The following PSTPIP2 variants were observed in gnomAD, a reference collection of about 807,000 sequenced individuals.
The protein encoded by PSTPIP2 is proline-serine-threonine phosphatase interacting protein 2.
Under a neutral mutation model 63.3 loss-of-function variants are expected in PSTPIP2, and 33 were observed. The ratio of observed to expected loss-of-function variants is 0.52; its 90% CI spans 0.40 to 0.70. PSTPIP2 has a LOEUF of 0.70. Ranked by LOEUF, PSTPIP2 falls within the 30% of genes least tolerant of loss-of-function variation. The pLI, the probability that PSTPIP2 is intolerant of heterozygous loss-of-function variation, is 0.00. For synonymous variants in PSTPIP2, 125 were observed against 132.7 expected (o/e 0.94, Z 0.40); for missense variants, 312 against 400.7 (o/e 0.78, Z 1.89).
At chr18:46,033,941 T>C (rs1474246146) in intron 2 of PSTPIP2, among the ~76,000 whole-genome samples, 1 of 152,212 alleles carries the variant, frequency 6.6e-6, no homozygotes, top group Non-Finnish European at 1.5e-5. Context: ...AATTCTGTTA[T>C]TTAAAGCCAT....
At chr18:46,056,963 G>A (rs1007597661) in intron 1 of PSTPIP2, among the ~76,000 whole-genome samples, 4 of 152,038 alleles carry the variant, frequency 2.6e-5, no homozygotes, top group African/African-American at 7.2e-5. Context: ...AATTAGCTGG[G>A]TGCAGTGGTG....
At chr18:46,047,674 G>A (rs1419245179) in intron 1 of PSTPIP2, among the ~76,000 whole-genome samples, 1 of 151,512 alleles carries the variant, frequency 6.6e-6, no homozygotes, top group Non-Finnish European at 1.5e-5. Context: ...TGGGCAACAA[G>A]AGCGAAATTC....
At chr18:45,994,359 T>C (rs1317816844) in intron 9 of PSTPIP2, among the ~76,000 whole-genome samples, 1 of 152,206 alleles carries the variant, frequency 6.6e-6, no homozygotes, top group African/African-American at 2.4e-5. Context: ...CATGAATGAA[T>C]TTTACATACC....
chr18:46,016,810 A>G (rs2051856587), intron 3 of PSTPIP2, among the ~76,000 whole-genome samples: 1 of 152,226 alleles, frequency 6.6e-6, no homozygotes, highest in Admixed American at 6.5e-5. Flanking sequence ...ACTCAAGGTT[A>G]GTATTATACT....
chr18:45,991,113 G>A (rs915065795), intron 12 of PSTPIP2, among the ~76,000 whole-genome samples: 4 of 152,142 alleles, frequency 2.6e-5, no homozygotes, highest in Admixed American at 1.3e-4. Flanking sequence ...CCTCATTGTG[G>A]GGATTAAATC....
intron 9 of PSTPIP2, among the ~76,000 whole-genome samples, chr18:45,997,002 C>A (rs1399585223): frequency 2.6e-5 from 4 of 152,284 alleles, no homozygotes; most frequent in Admixed American, 1.3e-4. Flanking sequence ...TGAGGCCGGG[C>A]TCTCCAAAGA....
chr18:46,001,642 T>C (rs895733740), intron 6 of PSTPIP2, among the ~76,000 whole-genome samples: 13 of 152,216 alleles, frequency 8.5e-5, no homozygotes, highest in African/African-American at 3.1e-4. Context: ...CTTATAAAAC[T>C]GAAATTCTAT....
At chr18:46,036,163 G>T (rs1907971365) in intron 2 of PSTPIP2, among the ~76,000 whole-genome samples, 1 of 148,636 alleles carries the variant, frequency 6.7e-6, no homozygotes, top group South Asian at 2.1e-4. Flanking sequence ...AATATTAATT[G>T]TTAATGTGTT....
At chr18:46,011,353 T>C (rs2051794779) in intron 4 of PSTPIP2, 66 bp from the exon 5 acceptor site, 3 of 1,260,794 alleles carry the variant, frequency 2.4e-6, no homozygotes, top group Admixed American at 2.0e-5. Context: ...TATAAAATCA[T>C]ACAAAATAAA....
In PSTPIP2 at chr18:46,040,001, T is replaced by G; in HGVS notation, c.80A>C (p.His27Pro). The change falls in exon 2 of 15, where the codon CAT (histidine) becomes CCT (proline). Residue 27 changes from histidine (H) to proline (P), a missense_variant. Physicochemically the swap from His to Pro is moderately conservative, Grantham distance 77. Coordinates refer to ENST00000409746, the MANE Select transcript of PSTPIP2 (RefSeq NM_024430.4). The part of the protein sequence containing the change: ...STIGYDNIIQ[H>P]LNNGRKNCKE... The stretch of plus-strand genomic sequence containing the variant: ...GCAGTTCTTGCGGCCATTGTTCAGA[T>G]GTTGGATAATGTTGTCATAGCCGAT... 1 of 1,613,540 alleles carries G rather than the reference T, an allele frequency of 6.2e-7. No homozygotes were observed. The highest frequency in any genetic ancestry group is 8.5e-7 in the Non-Finnish European group (1 of 1,179,684).
intron 1 of PSTPIP2, among the ~76,000 whole-genome samples, chr18:46,067,502 C>CA (rs534950641): frequency 0.15 from 17,964 of 118,240 alleles, 1,852 homozygotes; most frequent in East Asian, 0.47. Context: ...GACTCTGTCT[C>CA]AAAAAAAAAA....
rs141425132 is a variant in PSTPIP2 at position 46,010,363 on chromosome 18, C to T, written c.354+818G>A. Among the ~76,000 whole-genome samples the T allele has an allele frequency of 5.4e-3, 821 of 152,322 alleles. 33 individuals carry two copies. The highest frequency in any genetic ancestry group is 0.05 in the Admixed American group (760 of 15,300). Reference sequence around the variant, plus strand: ...AGTCACGCAGAGCTGTGCCGGGAGACCTGGTTAGACATCTTTGGGTGCCAG... The same window carrying T: ...AGTCACGCAGAGCTGTGCCGGGAGATCTGGTTAGACATCTTTGGGTGCCAG... On this transcript the variant is annotated intron_variant, in intron 5 of 14. Transcript: ENST00000409746.
At chr18:46,068,806 G>C (rs1909288023) in intron 1 of PSTPIP2, among the ~76,000 whole-genome samples, 1 of 152,172 alleles carries the variant, frequency 6.6e-6, no homozygotes, top group Admixed American at 6.5e-5. Context: ...AGAGATGACT[G>C]TATAGAGAAA....
intron 3 of PSTPIP2, among the ~76,000 whole-genome samples, chr18:46,024,097 G>T (rs534238554): frequency 6.6e-6 from 1 of 151,740 alleles, no homozygotes. Flanking sequence ...AGTGACACGC[G>T]CCTGTATTCC....
At chr18:46,059,844 A>G (rs1038590329) in intron 1 of PSTPIP2, among the ~76,000 whole-genome samples, 30 of 151,802 alleles carry the variant, frequency 2.0e-4, no homozygotes, top group African/African-American at 7.0e-4. Flanking sequence ...CCTGACCAAC[A>G]TGGTGAAACC....
chr18:46,051,413 T>G (rs1317236180), intron 1 of PSTPIP2, among the ~76,000 whole-genome samples: 8 of 151,928 alleles, frequency 5.3e-5, no homozygotes, highest in African/African-American at 1.9e-4. Context: ...AAGTGGAGGT[T>G]GCAGTGAGCC....
chr18:46,049,604 G>A (rs1035518188), intron 1 of PSTPIP2, among the ~76,000 whole-genome samples: 3 of 152,142 alleles, frequency 2.0e-5, no homozygotes, highest in Non-Finnish European at 4.4e-5. Context: ...ACAACCGGCC[G>A]GGTGAGGTGA....
intron 3 of PSTPIP2, 23 bp from the exon 4 acceptor site, chr18:46,015,960 T>C (rs778350991): frequency 5.0e-6 from 8 of 1,608,794 alleles, no homozygotes; most frequent in Non-Finnish European, 6.8e-6. Flanking sequence ...AGCACATATA[T>C]AATTTCAGTT....
At chr18:46,013,398 T>C (rs151096798) in intron 4 of PSTPIP2, among the ~76,000 whole-genome samples, 1 of 152,276 alleles carries the variant, frequency 6.6e-6, no homozygotes, top group Non-Finnish European at 1.5e-5. Flanking sequence ...AAACATACTA[T>C]GCTGTGTTAA....
Sources: allele counts gnomAD v4.1 joint callset (sites outside exome capture counted in the v4.1 genomes callset), GRCh38; gene constraint gnomAD v4.1.1; transcripts MANE v1.5; gene names NCBI Gene and HGNC (gene_info 2026-07-23, HGNC 2026-07-21).